Variants in KDM8 observed in about 807,000 individuals in gnomAD.
The protein encoded by KDM8 is bifunctional peptidase and arginyl-hydroxylase JMJD5.
In KDM8, 35 loss-of-function variants were observed where a neutral mutation model predicts 46.9. The observed-to-expected ratio is 0.75, with a 90% CI of 0.57 to 0.99. The LOEUF (loss-of-function observed/expected upper bound fraction) is 0.99, where lower values mean the gene tolerates loss of function less well. Ranked by LOEUF, KDM8 falls within the 50% of genes least tolerant of loss-of-function variation. The pLI is 0.00. For synonymous variants in KDM8, 232 were observed against 227.7 expected, an observed-to-expected ratio of 1.02 and a Z score of -0.17; for missense variants, 475 against 537.0, an observed-to-expected ratio of 0.88 and a Z score of 1.14.
chr16:27,220,095 C>A (rs143792488), intron 6 of KDM8, among the ~76,000 whole-genome samples: 1 of 152,196 alleles, frequency 6.6e-6, no homozygotes, highest in Non-Finnish European at 1.5e-5. Flanking sequence ...GTGGGGCATA[C>A]CTGTAGTCCC....
At chr16:27,212,809 A>G (rs868485194) in intron 2 of KDM8, among the ~76,000 whole-genome samples, 1 of 152,184 alleles carries the variant, frequency 6.6e-6, no homozygotes, top group African/African-American at 2.4e-5. Flanking sequence ...CTCCTACCTC[A>G]GCTTCCCGAG....
chr16:27,213,404 C>G (rs148126686), intron 2 of KDM8, 181 bp from the exon 3 acceptor site: 1 of 560,334 alleles, frequency 1.8e-6, no homozygotes, highest in African/African-American at 1.9e-5. Flanking sequence ...AAAAAACCAC[C>G]TTGATCTCAT....
At chr16:27,205,092 A>G (rs2083414854) in intron 1 of KDM8, among the ~76,000 whole-genome samples, 1 of 152,210 alleles carries the variant, frequency 6.6e-6, no homozygotes, top group South Asian at 2.1e-4. Flanking sequence ...CAAGAGGGAT[A>G]TATCCCATAA....
chr16:27,206,585 T>TATA (rs765255346), intron 1 of KDM8, among the ~76,000 whole-genome samples: 3 of 152,196 alleles, frequency 2.0e-5, no homozygotes, highest in Admixed American at 6.5e-5. Context: ...TATAAGACTT[T>TATA]ATAAACAGCA....
intron 1 of KDM8, 23 bp downstream of exon 1, chr16:27,203,659 C>G (rs1438061595): frequency 6.1e-6 from 1 of 163,442 alleles, no homozygotes; most frequent in African/African-American, 2.4e-5. Flanking sequence ...AACTCGAGAG[C>G]GGAGTCAGCT....
chr16:27,220,483 C>A lies in KDM8; in HGVS notation c.1084C>A (p.Gln362Lys), dbSNP rs774999484. Reference protein sequence around the residue: ...HDTHLLHNTSQVDVENPDLEK... With the variant: ...HDTHLLHNTSKVDVENPDLEK... ...CACGCACCTTCTCCATAACACGAGC[C>A]AGGTGGGCACTGGGGGTCTGGGGTG... The change falls in exon 7 of 8, where the codon CAG becomes AAG. Residue 362 changes from glutamine (Q) to lysine (K), a missense_variant and splice_region_variant. Transcript: ENST00000286096. The A allele has an allele frequency of 1.9e-6, 3 of 1,614,036 alleles. No homozygotes were observed. The Admixed American group carries it at 5.0e-5, about 27-fold the overall frequency.
At chr16:27,217,826 A>G (rs2083571785) in intron 5 of KDM8, among the ~76,000 whole-genome samples, 1 of 151,090 alleles carries the variant, frequency 6.6e-6, no homozygotes, top group South Asian at 2.1e-4. Flanking sequence ...ATGCCTCTCA[A>G]GCTTGAAAAA....
At chr16:27,211,153 C>T (rs925734329) in intron 2 of KDM8, 1 of 453,786 alleles carries the variant, frequency 2.2e-6, no homozygotes, top group South Asian at 1.6e-5. Flanking sequence ...AAGGCAGCGC[C>T]CTTTCAGCAG....
intron 3 of KDM8, chr16:27,214,626 A>G (rs775489924): frequency 2.1e-6 from 1 of 468,442 alleles, no homozygotes; most frequent in Non-Finnish European, 3.9e-6. Flanking sequence ...AGGGAACTAG[A>G]GCAGCCCAGC....
intron 2 of KDM8, chr16:27,211,200 A>C (rs2083481771): frequency 4.4e-6 from 2 of 454,190 alleles, no homozygotes; most frequent in South Asian, 3.1e-5. Context: ...CCTGAGGGAA[A>C]CAGCTTAAAG....
At position 27,213,725 on chromosome 16, in the gene KDM8, C is replaced by T. The variant is rs370353492; in HGVS notation, c.639C>T (p.Asp213=). Residue 213 remains aspartate, a synonymous_variant, in exon 3 of 8, where the codon GAC becomes GAT. Coordinates refer to ENST00000286096, the MANE Select transcript of KDM8 (RefSeq NM_024773.3). ...GRPVILKGVA[D]HWPCMQKWSL... ...CCGTGATCCTGAAAGGCGTGGCTGACCACTGGCCGTGCATGCAGAAGTGGA... is the reference window on the plus strand; with the variant it reads ...CCGTGATCCTGAAAGGCGTGGCTGATCACTGGCCGTGCATGCAGAAGTGGA... The T allele has an allele frequency of 3.1e-5, 50 of 1,614,038 alleles. No homozygotes were observed. The highest frequency in any genetic ancestry group is 6.7e-5 in the Admixed American group (4 of 59,990).
chr16:27,209,373 T>C (rs1003052787), intron 1 of KDM8, among the ~76,000 whole-genome samples: 2 of 152,242 alleles, frequency 1.3e-5, no homozygotes, highest in African/African-American at 4.8e-5. Context: ...ACCACAGGCA[T>C]GTACCGCCGT....
intron 1 of KDM8, chr16:27,204,008 T>C (rs2083402204): frequency 3.4e-6 from 4 of 1,162,032 alleles, no homozygotes; most frequent in Non-Finnish European, 5.0e-6. Context: ...CTCTGCTATA[T>C]GTGTGTCCGC....
intron 1 of KDM8, among the ~76,000 whole-genome samples, chr16:27,208,143 AG>A (rs1272357985): frequency 2.6e-5 from 4 of 152,244 alleles, no homozygotes; most frequent in Non-Finnish European, 5.9e-5. Flanking sequence ...TCACAGTATT[AG>A]GAGGCCATCT....
At chr16:27,210,031 G>C (rs1241261276) in intron 1 of KDM8, 62 bp from the exon 2 acceptor site, 6 of 1,473,356 alleles carry the variant, frequency 4.1e-6, no homozygotes, top group Non-Finnish European at 5.4e-6. Flanking sequence ...GGAAGCTGCG[G>C]GAATGCACAG....
intron 1 of KDM8, chr16:27,204,332 G>A: frequency 7.3e-7 from 1 of 1,364,822 alleles, no homozygotes; most frequent in Non-Finnish European, 9.4e-7. Flanking sequence ...GACAGGAGGT[G>A]CGCAGGCGTT....
intron 6 of KDM8, among the ~76,000 whole-genome samples, chr16:27,219,708 G>A (rs2083596447): frequency 6.6e-6 from 1 of 152,218 alleles, no homozygotes; most frequent in Non-Finnish European, 1.5e-5. Context: ...CAGCAGCCCT[G>A]CCACACCTCA....
intron 1 of KDM8, among the ~76,000 whole-genome samples, chr16:27,206,766 G>C (rs2083432155): frequency 6.6e-6 from 1 of 152,200 alleles, no homozygotes; most frequent in African/African-American, 2.4e-5. Flanking sequence ...ATTCAGAAAG[G>C]CAGTGACCTG....
At chr16:27,210,657 A>G (rs564656010) in intron 2 of KDM8, 36 bp downstream of exon 2, 10 of 1,490,004 alleles carry the variant, frequency 6.7e-6, no homozygotes, top group African/African-American at 1.4e-5. Context: ...CACACTAGCC[A>G]TCCAGCAACC....
Sources: allele counts gnomAD v4.1 joint callset (sites outside exome capture counted in the v4.1 genomes callset), GRCh38; gene constraint gnomAD v4.1.1; transcripts MANE v1.5; gene names NCBI Gene and HGNC (gene_info 2026-07-23, HGNC 2026-07-21).